The following PACSIN2 variants were observed in gnomAD, a reference collection of about 807,000 sequenced individuals.
PACSIN2 encodes protein kinase C and casein kinase substrate in neurons protein 2.
Under a neutral mutation model 63.8 loss-of-function variants are expected in PACSIN2, and 25 were observed. That is an observed-to-expected ratio of 0.39 (90% CI 0.29 to 0.55). PACSIN2 has a LOEUF of 0.55. PACSIN2 is among the 20% of genes least tolerant of loss of function. The pLI is 0.62. For missense variants in PACSIN2, 518 were observed against 646.9 expected, an observed-to-expected ratio of 0.80 and a Z score of 2.16; for synonymous variants, 255 against 256.2, an observed-to-expected ratio of 1.00 and a Z score of 0.05.
intron 8 of PACSIN2, among the ~76,000 whole-genome samples, chr22:42,878,327 G>A (rs1011137600): frequency 2.7e-5 from 4 of 150,100 alleles, no homozygotes; most frequent in Admixed American, 2.6e-4. Context: ...GAGCCTGGGT[G>A]GGGGCTTCAG....
intron 1 of PACSIN2, among the ~76,000 whole-genome samples, chr22:43,013,172 G>C (rs748667118): frequency 2.6e-5 from 4 of 152,218 alleles, no homozygotes; most frequent in Non-Finnish European, 5.9e-5. Context: ...AAAGCAGCAC[G>C]AGCTAAGGAT....
At chr22:42,965,498 T>G (rs1166417870) in intron 1 of PACSIN2, among the ~76,000 whole-genome samples, 1 of 152,178 alleles carries the variant, frequency 6.6e-6, no homozygotes, top group Non-Finnish European at 1.5e-5. Flanking sequence ...AGCAGAAGTC[T>G]AGTAACAGAG....
chr22:42,966,840 T>C (rs1250757344), intron 1 of PACSIN2, among the ~76,000 whole-genome samples: 1 of 152,184 alleles, frequency 6.6e-6, no homozygotes, highest in Non-Finnish European at 1.5e-5. Flanking sequence ...TCAAAAGGAA[T>C]GTGAGCAAGG....
At chr22:42,965,627 GT>G (rs1273110301) in intron 1 of PACSIN2, among the ~76,000 whole-genome samples, 2 of 152,142 alleles carry the variant, frequency 1.3e-5, no homozygotes, top group African/African-American at 4.8e-5. Flanking sequence ...TAGCCCAAGT[GT>G]ATTTCTTGGG....
At chr22:42,947,887 G>A (rs940763091) in intron 1 of PACSIN2, among the ~76,000 whole-genome samples, 43 of 152,202 alleles carry the variant, frequency 2.8e-4, no homozygotes, top group African/African-American at 8.2e-4. Context: ...CAGGCTCCAC[G>A]GCAGCCCAGC....
At chr22:42,929,829 A>G (rs1338695313) in intron 1 of PACSIN2, among the ~76,000 whole-genome samples, 1 of 152,158 alleles carries the variant, frequency 6.6e-6, no homozygotes, top group Non-Finnish European at 1.5e-5. Context: ...TCAAGATACT[A>G]ATTATTCTTT....
chr22:42,929,563 G>C (rs563316197), intron 1 of PACSIN2, among the ~76,000 whole-genome samples: 2 of 151,658 alleles, frequency 1.3e-5, no homozygotes, highest in African/African-American at 4.8e-5. Flanking sequence ...GAGTATCTCA[G>C]AACTCCAAAA....
At chr22:42,927,464 G>T (rs1932610602) in intron 1 of PACSIN2, among the ~76,000 whole-genome samples, 1 of 152,168 alleles carries the variant, frequency 6.6e-6, no homozygotes. Context: ...GGCCAGGCTG[G>T]TCTCAAACTT....
At chr22:42,973,740 T>C (rs566400014) in intron 1 of PACSIN2, among the ~76,000 whole-genome samples, 116 of 152,292 alleles carry the variant, frequency 7.6e-4, no homozygotes, top group Admixed American at 3.4e-3. Flanking sequence ...TACACTCCAG[T>C]CTTAGGCCTG....
intron 1 of PACSIN2, among the ~76,000 whole-genome samples, chr22:42,918,747 G>A (rs767802918): frequency 7.9e-5 from 12 of 152,212 alleles, no homozygotes; most frequent in Non-Finnish European, 1.2e-4. Context: ...ACCTGCCAGG[G>A]AGGCTGGAGC....
chr22:42,915,888 T>C (rs1261497836), intron 1 of PACSIN2, among the ~76,000 whole-genome samples: 1 of 152,130 alleles, frequency 6.6e-6, no homozygotes, highest in African/African-American at 2.4e-5. Flanking sequence ...AGCAAAGATA[T>C]CCGAAGCCCT....
chr22:42,969,804 G>A (rs993729488), intron 1 of PACSIN2, among the ~76,000 whole-genome samples: 1 of 151,630 alleles, frequency 6.6e-6, no homozygotes, highest in Non-Finnish European at 1.5e-5. Flanking sequence ...GCTTGATAGT[G>A]CACAGCTGTG....
chr22:42,911,399 T>C (rs1931448381), intron 2 of PACSIN2, among the ~76,000 whole-genome samples: 1 of 129,646 alleles, frequency 7.7e-6, no homozygotes, highest in Non-Finnish European at 1.6e-5. Context: ...TCTCGAGACC[T>C]CAACTGTTAA....
intron 10 of PACSIN2, 76 bp downstream of exon 10, chr22:42,876,061 T>C: frequency 7.4e-7 from 1 of 1,349,744 alleles, no homozygotes; most frequent in Non-Finnish European, 1.0e-6. Flanking sequence ...TTTCCAGACT[T>C]AAAAAACAAA....
chr22:42,893,386 C>A, intron 3 of PACSIN2, 71 bp downstream of exon 3: 1 of 1,498,430 alleles, frequency 6.7e-7, no homozygotes, highest in East Asian at 2.3e-5. Flanking sequence ...GAGAGGGTCA[C>A]AACGTGCCCA....
chr22:42,884,315 T>C (rs777781852), intron 6 of PACSIN2, 71 bp downstream of exon 6: 17 of 1,431,274 alleles, frequency 1.2e-5, no homozygotes, highest in Non-Finnish European at 1.6e-5. Flanking sequence ...GGGAGCAGCA[T>C]CTGAGTTTGC....
chr22:43,004,323 T>C (rs1546860), intron 1 of PACSIN2, among the ~76,000 whole-genome samples: 92,792 of 152,116 alleles, frequency 0.61, 28,922 homozygotes, highest in East Asian at 0.81. Flanking sequence ...CTTCAGAACA[T>C]GGGGGCCTGT....
chr22:42,952,445 G>T (rs1933735507), intron 1 of PACSIN2, among the ~76,000 whole-genome samples: 1 of 150,080 alleles, frequency 6.7e-6, no homozygotes. Flanking sequence ...AGCAGCCTCT[G>T]CCTCCTTGGT....
intron 1 of PACSIN2, among the ~76,000 whole-genome samples, chr22:42,916,883 AC>A (rs1931845952): frequency 6.6e-6 from 1 of 152,144 alleles, no homozygotes; most frequent in African/African-American, 2.4e-5. Context: ...ACAGCAAGCC[AC>A]CCGAAGGTAC....
Sources: allele counts gnomAD v4.1 joint callset (sites outside exome capture counted in the v4.1 genomes callset), GRCh38; gene constraint gnomAD v4.1.1; transcripts MANE v1.5; gene names NCBI Gene and HGNC (gene_info 2026-07-23, HGNC 2026-07-21).